Variants in IFT74 observed in about 807,000 individuals in gnomAD.
IFT74 encodes intraflagellar transport 74.
Under a neutral mutation model 96.7 loss-of-function variants are expected in IFT74, and 92 were observed. The observed-to-expected ratio is 0.95, with a 90% CI of 0.80 to 1.13. The LOEUF (loss-of-function observed/expected upper bound fraction) is 1.13. IFT74 is among the 50% of genes most tolerant of loss of function. The pLI, the probability that IFT74 is intolerant of heterozygous loss-of-function variation, is 0.00. For missense variants in IFT74, 811 were observed against 698.2 expected, an observed-to-expected ratio of 1.16 and a Z score of -1.82; for synonymous variants, 223 against 213.2, an observed-to-expected ratio of 1.05 and a Z score of -0.40.
At chr9:27,012,072 C>G in intron 10 of IFT74, 104 bp downstream of exon 10, 3 of 641,180 alleles carry the variant, frequency 4.7e-6, no homozygotes, top group Non-Finnish European at 7.6e-6. Flanking sequence ...GATCTGGCAG[C>G]TTACTAATAG....
chr9:27,040,668 G>A (rs1220680893), intron 13 of IFT74, among the ~76,000 whole-genome samples: 2 of 151,364 alleles, frequency 1.3e-5, no homozygotes, highest in Non-Finnish European at 2.9e-5. Context: ...TTCTTGCCCC[G>A]TCTCCCTGAT....
chr9:27,001,311 A>T (rs937780233), intron 8 of IFT74, among the ~76,000 whole-genome samples: 3 of 151,990 alleles, frequency 2.0e-5, no homozygotes, highest in Non-Finnish European at 4.4e-5. Context: ...TTTTTTTTAA[A>T]TGTATACCCA....
intron 8 of IFT74, among the ~76,000 whole-genome samples, chr9:27,000,359 T>G (rs1401174209): frequency 6.6e-6 from 1 of 152,198 alleles, no homozygotes; most frequent in Non-Finnish European, 1.5e-5. Flanking sequence ...TTATGCATGT[T>G]TAAGTATATG....
intron 12 of IFT74, among the ~76,000 whole-genome samples, chr9:27,023,213 G>A (rs1248990912): frequency 1.3e-5 from 2 of 152,140 alleles, no homozygotes; most frequent in African/African-American, 4.8e-5. Flanking sequence ...GAAGTGGTGA[G>A]AGTGGGCATC....
rs1025221264 is a variant in IFT74 at position 26,989,083 on chromosome 9, T to G, written c.525+355T>G. On this transcript the variant is annotated intron_variant, in intron 7 of 19. Transcript: ENST00000380062. The stretch of plus-strand genomic sequence containing the variant: ...GATGAATACTCAATGTGACAAATGA[T>G]AACTTTACATAGTTTTTGTCACCAG... Among the ~76,000 whole-genome samples, 3 of 152,332 alleles carry G rather than the reference T, an allele frequency of 2.0e-5. No homozygotes were observed. The East Asian group carries it at 5.8e-4, about 29-fold the overall frequency.
At chr9:27,016,776 A>G in intron 10 of IFT74, 131 bp from the exon 11 acceptor site, 6 of 593,258 alleles carry the variant, frequency 1.0e-5, no homozygotes, top group Non-Finnish European at 1.7e-5. Flanking sequence ...TTGAGTACTA[A>G]TGATATTTGC....
At chr9:27,009,744 G>C (rs1412163382) in intron 9 of IFT74, among the ~76,000 whole-genome samples, 1 of 151,648 alleles carries the variant, frequency 6.6e-6, no homozygotes, top group African/African-American at 2.4e-5. Context: ...TTAATAAACA[G>C]CTAACCTTTT....
intron 2 of IFT74, among the ~76,000 whole-genome samples, chr9:26,969,771 G>A (rs114019070): frequency 0.013 from 1,956 of 151,988 alleles, 38 homozygotes; most frequent in African/African-American, 0.045. Context: ...ATTTTTATGC[G>A]TTTTTGTGAT....
chr9:27,007,303 T>G (rs1319768902), intron 8 of IFT74, among the ~76,000 whole-genome samples: 1 of 152,214 alleles, frequency 6.6e-6, no homozygotes, highest in Non-Finnish European at 1.5e-5. Context: ...AATGGAATAC[T>G]TTATAACATT....
chr9:26,998,938 G>A (rs1587320319), intron 8 of IFT74, among the ~76,000 whole-genome samples: 1 of 152,288 alleles, frequency 6.6e-6, no homozygotes, highest in African/African-American at 2.4e-5. Context: ...AGGTTGCAGT[G>A]AGCTGAGATC....
chr9:27,043,815 A>G (rs1427930171), intron 13 of IFT74, among the ~76,000 whole-genome samples: 1 of 152,106 alleles, frequency 6.6e-6, no homozygotes, highest in Non-Finnish European at 1.5e-5. Flanking sequence ...ATAATTCACT[A>G]CTTTCCATCC....
chr9:26,997,767 T>A (rs1828242078), intron 8 of IFT74: 1 of 1,611,134 alleles, frequency 6.2e-7, no homozygotes, highest in South Asian at 1.1e-5. Flanking sequence ...TTCTGCAAAT[T>A]AAATAGACTG....
chr9:26,996,492 C>G (rs1828165440), intron 8 of IFT74: 1 of 1,435,062 alleles, frequency 7.0e-7, no homozygotes, highest in African/African-American at 1.4e-5. Flanking sequence ...TGGTGATGTT[C>G]TCATTTTCTA....
chr9:27,041,225 C>T (rs1050348539), intron 13 of IFT74, among the ~76,000 whole-genome samples: 10 of 152,244 alleles, frequency 6.6e-5, no homozygotes, highest in East Asian at 3.9e-4. Context: ...CCATGTTACC[C>T]GATAAAGTAC....
At chr9:26,979,801 A>G (rs540655965) in intron 3 of IFT74, among the ~76,000 whole-genome samples, 1 of 134,488 alleles carries the variant, frequency 7.4e-6, no homozygotes, top group South Asian at 2.4e-4. Context: ...CAACCTCCGC[A>G]TCCCAGATTC....
At chr9:26,982,641 G>T (rs911316817) in intron 4 of IFT74, among the ~76,000 whole-genome samples, 2 of 151,904 alleles carry the variant, frequency 1.3e-5, no homozygotes, top group Non-Finnish European at 2.9e-5. Context: ...TTTTAGTTCA[G>T]ACGAGGTTTC....
intron 2 of IFT74, among the ~76,000 whole-genome samples, chr9:26,966,997 G>A (rs771143924): frequency 5.3e-5 from 8 of 151,154 alleles, no homozygotes; most frequent in African/African-American, 1.2e-4. Context: ...TTTATTTCTG[G>A]GTTCTCTATT....
intron 6 of IFT74, among the ~76,000 whole-genome samples, chr9:26,986,297 T>G (rs1371273131): frequency 6.6e-6 from 1 of 151,798 alleles, no homozygotes; most frequent in Admixed American, 6.6e-5. Context: ...GTGGTGGTGG[T>G]GGGTTTTGTT....
At position 26,992,598 on chromosome 9, in the gene IFT74, C is replaced by T. The variant is rs59466366; in HGVS notation, c.587+2403C>T. 5.7e-3 allele frequency among the ~76,000 whole-genome samples: 867 copies of T among 151,980 alleles called. 10 individuals carry two copies. Among genetic ancestry groups the T allele is most frequent in the African/African-American group, 0.02 (813 of 41,446 alleles). ...ATCCCAGCTACTCAGGAGGCTGAGGCACGCGAATCACTTGAACCCAGGAGG... is the reference window on the plus strand; with the variant it reads ...ATCCCAGCTACTCAGGAGGCTGAGGTACGCGAATCACTTGAACCCAGGAGG... On this transcript the variant is annotated intron_variant, in intron 8 of 19. Coordinates refer to ENST00000380062, the MANE Select transcript of IFT74 (RefSeq NM_025103.4).
Sources: gnomAD v4.1 joint callset for allele counts (sites outside exome capture counted in the v4.1 genomes callset) on GRCh38, gnomAD v4.1.1 for gene constraint, MANE v1.5 for transcripts, NCBI Gene and HGNC (gene_info 2026-07-23, HGNC 2026-07-21) for gene names.